ZBTB37: variants seen among roughly 807,000 people sequenced by gnomAD.
ZBTB37 encodes the protein zinc finger and BTB domain containing 37, also known as zinc finger and BTB domain-containing protein 37.
In ZBTB37, 15 loss-of-function variants were observed where a neutral mutation model predicts 37.7. That is an observed-to-expected ratio of 0.40 (90% CI 0.27 to 0.61). The LOEUF (loss-of-function observed/expected upper bound fraction) is 0.61, where lower values mean the gene tolerates loss of function less well. Among genes scored for constraint, ZBTB37 ranks in the 20% least tolerant of loss-of-function variants. The pLI is 0.44. For synonymous variants in ZBTB37, 231 were observed against 220.6 expected (o/e 1.05, Z -0.42); for missense variants, 514 against 641.9 (o/e 0.80, Z 2.15).
chr1:173,871,164 T>C lies in ZBTB37; in HGVS notation c.923+16T>C. On this transcript the variant is annotated intron_variant, in intron 3 of 4. Transcript: ENST00000427304. The stretch of plus-strand genomic sequence containing the variant: ...AAGTTGACAGGTAGGTTTGGTTTGG[T>C]TTGGTTTTCCCATGTAATGGCTATT... 6.4e-7 allele frequency: 1 copy of C among 1,567,874 alleles called. No individual in the cohort carries two copies. The highest frequency in any genetic ancestry group is 1.2e-5 in the South Asian group (1 of 86,280).
At chr1:173,884,963 G>A (rs1656542084) in intron 4 of ZBTB37, among the ~76,000 whole-genome samples, 1 of 152,192 alleles carries the variant, frequency 6.6e-6, no homozygotes, top group Non-Finnish European at 1.5e-5. Flanking sequence ...GCTGGGCGTC[G>A]TGGCTTACAC....
downstream of ZBTB37, chr1:173,888,451 G>A (rs1656713446): frequency 6.7e-6 from 1 of 150,292 alleles, no homozygotes; most frequent in Admixed American, 6.6e-5. Flanking sequence ...TTTAGAGACT[G>A]TGTCTTCCTC....
chr1:173,881,552 CT>C (rs1656308792), intron 4 of ZBTB37, among the ~76,000 whole-genome samples: 1 of 152,186 alleles, frequency 6.6e-6, no homozygotes. Flanking sequence ...AATGGTTGAA[CT>C]AGTTTACAGT....
exon 4 of ZBTB37, chr1:173,900,609 G>T (rs551263813): frequency 6.6e-6 from 1 of 152,214 alleles, no homozygotes; most frequent in African/African-American, 2.4e-5. Flanking sequence ...TTGCTTACAA[G>T]TACGTGGTAA....
At chr1:173,868,709 C>G (rs911354645) in intron 1 of ZBTB37, 1 of 152,898 alleles carries the variant, frequency 6.5e-6, no homozygotes, top group Non-Finnish European at 1.5e-5. Flanking sequence ...CGCCCGCCGC[C>G]GCCTGGAGCC....
chr1:173,873,385 A>T, intron 3 of ZBTB37, 82 bp from the exon 4 acceptor site: 1 of 1,430,564 alleles, frequency 7.0e-7, no homozygotes, highest in Non-Finnish European at 9.4e-7. Flanking sequence ...CAGCCATAGA[A>T]TAAAGAGGGG....
At chr1:173,885,785 C>T (rs1656587880) in exon 5 of ZBTB37, 1 of 1,551,708 alleles carries the variant, frequency 6.4e-7, no homozygotes, top group Non-Finnish European at 8.7e-7. Flanking sequence ...TGGACCGCCA[C>T]ATGCGCCTAC....
exon 4 of ZBTB37, chr1:173,894,830 T>A (rs1224898787): frequency 6.6e-6 from 1 of 152,200 alleles, no homozygotes; most frequent in Non-Finnish European, 1.5e-5. Flanking sequence ...TTGTCTTGAC[T>A]CTTTGGTGTT....
At chr1:173,874,970 G>A (rs1394245087) in intron 4 of ZBTB37, among the ~76,000 whole-genome samples, 1 of 151,812 alleles carries the variant, frequency 6.6e-6, no homozygotes, top group African/African-American at 2.4e-5. Flanking sequence ...CAGAGTTTGG[G>A]AAATATAAAA....
chr1:173,875,238 A>G (rs1397146853), intron 4 of ZBTB37, among the ~76,000 whole-genome samples: 5 of 150,224 alleles, frequency 3.3e-5, no homozygotes, highest in Non-Finnish European at 7.4e-5. Flanking sequence ...TATATACTAT[A>G]TATACTATGC....
At chr1:173,870,222 G>A (rs376006907) in exon 3 of ZBTB37, 7 of 1,600,830 alleles carry the variant, frequency 4.4e-6, no homozygotes, top group East Asian at 2.2e-5. Context: ...CCTCAGGCAC[G>A]ACCATGGAGA....
chr1:173,875,586 G>A (rs1038482802), intron 4 of ZBTB37, among the ~76,000 whole-genome samples: 5 of 151,508 alleles, frequency 3.3e-5, no homozygotes, highest in Admixed American at 6.6e-5. Context: ...CTCAGCCTCC[G>A]AAAGTGCTGG....
chr1:173,868,817 T>A (rs560653781), intron 1 of ZBTB37, 108 bp from the exon 2 acceptor site: 1 of 153,224 alleles, frequency 6.5e-6, no homozygotes, highest in African/African-American at 2.4e-5. Context: ...TCAGTGACAT[T>A]TTGCCCTTTA....
At chr1:173,868,823 C>T (rs1016752600) in intron 1 of ZBTB37, 102 bp from the exon 2 acceptor site, 2 of 153,352 alleles carry the variant, frequency 1.3e-5, no homozygotes, top group African/African-American at 2.4e-5. Flanking sequence ...ACATTTTGCC[C>T]TTTAGCCAGT....
At chr1:173,891,281 G>A (rs912402495), downstream of ZBTB37, 5 of 152,170 alleles carry the variant, frequency 3.3e-5, no homozygotes, top group Non-Finnish European at 7.4e-5. Context: ...TTATGAAGAA[G>A]TATTTTGATT....
At chr1:173,880,447 C>T (rs1350324338) in intron 4 of ZBTB37, among the ~76,000 whole-genome samples, 1 of 152,142 alleles carries the variant, frequency 6.6e-6, no homozygotes, top group East Asian at 1.9e-4. Context: ...AGAATCTAGA[C>T]TGATGTTTGT....
exon 4 of ZBTB37, chr1:173,901,743 T>C (rs1403021620): frequency 1.3e-5 from 2 of 152,158 alleles, no homozygotes; most frequent in Non-Finnish European, 2.9e-5. Context: ...TGGAAGAACA[T>C]TTAGGTTTCC....
intron 4 of ZBTB37, among the ~76,000 whole-genome samples, chr1:173,883,954 T>C (rs2102747114): frequency 6.6e-6 from 1 of 152,326 alleles, no homozygotes; most frequent in African/African-American, 2.4e-5. Flanking sequence ...CAGAGTCAAC[T>C]TTGACATTTT....
chr1:173,879,441 A>G (rs1375794296), intron 4 of ZBTB37, among the ~76,000 whole-genome samples: 8 of 152,154 alleles, frequency 5.3e-5, no homozygotes, highest in Non-Finnish European at 1.0e-4. Flanking sequence ...GGTAGGAGAC[A>G]AATTTTTAGG....
Sources: gnomAD v4.1 joint callset for allele counts (sites outside exome capture counted in the v4.1 genomes callset) on GRCh38, gnomAD v4.1.1 for gene constraint, MANE v1.5 for transcripts, NCBI Gene and HGNC (gene_info 2026-07-23, HGNC 2026-07-21) for gene names.